Variants in ABCA13 observed in about 807,000 individuals in gnomAD.
ABCA13 encodes ATP binding cassette subfamily A member 13, also known as ATP-binding cassette sub-family A member 13.
A neutral mutation model predicts 478.7 loss-of-function variants in ABCA13; 476 were observed. The observed-to-expected ratio is 0.99, with a 90% CI of 0.92 to 1.07. The LOEUF is 1.07. Among genes scored for constraint, ABCA13 ranks in the 50% least tolerant of loss-of-function variants. The pLI is 0.00. For missense variants in ABCA13, 6,060 were observed against 5,910.6 expected (o/e 1.03, Z -0.83); for synonymous variants, 2,252 against 2,158.9 (o/e 1.04, Z -1.20).
chr7:48,235,027 T>C (rs1403873298), intron 8 of ABCA13, among the ~76,000 whole-genome samples: 5 of 152,168 alleles, frequency 3.3e-5, no homozygotes, highest in Non-Finnish European at 1.5e-5. Flanking sequence ...GACTGTTGCT[T>C]TCAGTATTTA....
At chr7:48,343,101 CTT>C (rs143131889) in intron 29 of ABCA13, among the ~76,000 whole-genome samples, 1 of 143,654 alleles carries the variant, frequency 7.0e-6, no homozygotes. Context: ...TTTTCTCTTG[CTT>C]TTTTTTTTGG....
At chr7:48,350,581 T>G in intron 29 of ABCA13, 62 bp from the exon 30 acceptor site, 1 of 1,438,810 alleles carries the variant, frequency 7.0e-7, no homozygotes, top group Non-Finnish European at 9.3e-7. Flanking sequence ...CTCCACTATA[T>G]GAGTGGTAAG....
At chr7:48,581,031 A>T (rs1418079640) in intron 56 of ABCA13, among the ~76,000 whole-genome samples, 2 of 152,164 alleles carry the variant, frequency 1.3e-5, no homozygotes, top group Non-Finnish European at 2.9e-5. Context: ...GCCTTGATTG[A>T]CAGCTCAGGA....
intron 13 of ABCA13, among the ~76,000 whole-genome samples, chr7:48,246,468 A>G (rs1177701141): frequency 6.6e-6 from 1 of 152,286 alleles, no homozygotes; most frequent in Non-Finnish European, 1.5e-5. Context: ...TCAGCGCTCA[A>G]GTGGGACTGC....
intron 20 of ABCA13, among the ~76,000 whole-genome samples, chr7:48,293,682 A>G (rs1798909591): frequency 1.3e-5 from 2 of 152,194 alleles, no homozygotes; most frequent in South Asian, 2.1e-4. Flanking sequence ...TATGTTACCT[A>G]TATTTGTCAT....
intron 38 of ABCA13, among the ~76,000 whole-genome samples, chr7:48,400,391 G>A (rs891035748): frequency 1.3e-5 from 2 of 152,160 alleles, no homozygotes; most frequent in East Asian, 3.8e-4. Context: ...GCATAATTGG[G>A]TCATAATAGG....
At chr7:48,594,380 T>A (rs1472587928) in intron 57 of ABCA13, among the ~76,000 whole-genome samples, 1 of 152,192 alleles carries the variant, frequency 6.6e-6, no homozygotes, top group South Asian at 2.1e-4. Context: ...TATTTCATTT[T>A]ATTTTTCTGC....
At chr7:48,381,408 A>G (rs1028022610) in intron 35 of ABCA13, among the ~76,000 whole-genome samples, 1 of 151,532 alleles carries the variant, frequency 6.6e-6, no homozygotes, top group African/African-American at 2.4e-5. Context: ...CACACCCCAT[A>G]CCTCAGACAA....
At position 48,276,575 on chromosome 7, in the gene ABCA13, C is replaced by G. The variant is rs755213429; in HGVS notation, c.6899+10C>G. ...TTATTGCAGAGATGAGGTGAGTATA[C>G]TTTTGCTTTGTGTCATATATGCAGT... On this transcript the variant is annotated intron_variant, in intron 17 of 61. Coordinates refer to ENST00000435803, the MANE Select transcript of ABCA13 (RefSeq NM_152701.5). 1 of 1,607,598 alleles carries G rather than the reference C, an allele frequency of 6.2e-7. No individual in the cohort carries two copies. Among genetic ancestry groups the G allele is most frequent in the Admixed American group, 1.7e-5 (1 of 59,842 alleles).
At chr7:48,554,036 T>C (rs927987629) in intron 55 of ABCA13, among the ~76,000 whole-genome samples, 1 of 152,108 alleles carries the variant, frequency 6.6e-6, no homozygotes, top group African/African-American at 2.4e-5. Flanking sequence ...GTTTCATTCC[T>C]CTGCATATGG....
At chr7:48,415,906 G>A (rs1819913805) in intron 41 of ABCA13, among the ~76,000 whole-genome samples, 1 of 152,112 alleles carries the variant, frequency 6.6e-6, no homozygotes, top group Admixed American at 6.5e-5. Context: ...AGATACTTCA[G>A]TATTCTTTTT....
At chr7:48,450,730 G>A (rs1260462358) in intron 42 of ABCA13, among the ~76,000 whole-genome samples, 1 of 151,824 alleles carries the variant, frequency 6.6e-6, no homozygotes, top group East Asian at 1.9e-4. Context: ...TAATACTTGG[G>A]TCATATTCCC....
intron 15 of ABCA13, among the ~76,000 whole-genome samples, chr7:48,251,790 T>G (rs1792606503): frequency 6.6e-6 from 1 of 152,122 alleles, no homozygotes; most frequent in Non-Finnish European, 1.5e-5. Context: ...TAATAGGTAC[T>G]TTTAAGACAA....
chr7:48,171,740 C>A (rs1323890371), intron 1 of ABCA13, among the ~76,000 whole-genome samples, 188 bp downstream of exon 1: 1 of 152,038 alleles, frequency 6.6e-6, no homozygotes, highest in African/African-American at 2.4e-5. Flanking sequence ...ACTTTAATGA[C>A]CAGGATGAAA....
intron 56 of ABCA13, among the ~76,000 whole-genome samples, chr7:48,583,578 T>A (rs1341072815): frequency 2.6e-5 from 4 of 152,184 alleles, no homozygotes; most frequent in Non-Finnish European, 5.9e-5. Flanking sequence ...CATATCCCAT[T>A]GAGATTCATC....
chr7:48,591,607 C>A (rs1789753793), intron 57 of ABCA13, among the ~76,000 whole-genome samples: 1 of 151,970 alleles, frequency 6.6e-6, no homozygotes, highest in Admixed American at 6.5e-5. Context: ...AATCCATGTA[C>A]ATGGATAGCT....
intron 41 of ABCA13, among the ~76,000 whole-genome samples, chr7:48,422,643 C>T (rs980430285): frequency 1.3e-5 from 2 of 152,124 alleles, no homozygotes; most frequent in South Asian, 2.1e-4. Flanking sequence ...AATCAACAGC[C>T]CTTGTTTCAA....
rs1223496373 is a variant in ABCA13, at chr7:48,614,778, C to T, written c.14745-507C>T. 1.5e-4 allele frequency among the ~76,000 whole-genome samples: 22 copies of T among 148,716 alleles called. No homozygotes were observed. In the East Asian group the frequency reaches 3.1e-3, roughly 21 times the overall value. On this transcript the variant is annotated intron_variant, in intron 58 of 61. Transcript: ENST00000435803. The stretch of plus-strand genomic sequence containing the variant: ...GAAATCATCATTCTGAGTAAACTAT[C>T]GCAAGAACAAAAAACCAAACACCGC...
At chr7:48,510,812 A>G (rs997150003) in intron 50 of ABCA13, among the ~76,000 whole-genome samples, 1 of 151,658 alleles carries the variant, frequency 6.6e-6, no homozygotes, top group Non-Finnish European at 1.5e-5. Context: ...CACCCAATTG[A>G]CTTCATTTTA....
Sources: allele counts gnomAD v4.1 joint callset (sites outside exome capture counted in the v4.1 genomes callset), GRCh38; gene constraint gnomAD v4.1.1; transcripts MANE v1.5; gene names NCBI Gene and HGNC (gene_info 2026-07-23, HGNC 2026-07-21).